The following OR51L1 variants were observed in gnomAD, a reference collection of about 807,000 sequenced individuals.
OR51L1 encodes olfactory receptor 51L1.
A neutral mutation model predicts 1.4 loss-of-function variants in OR51L1; 1 was observed. The ratio of observed to expected loss-of-function variants is 0.72; its 90% CI spans 0.26 to 3.42. The LOEUF (loss-of-function observed/expected upper bound fraction) is 3.42, where lower values mean the gene tolerates loss of function less well. OR51L1 is among the 30% of genes most tolerant of loss of function. The pLI is 0.20. For missense variants in OR51L1, 378 were observed against 380.0 expected, an observed-to-expected ratio of 0.99 and a Z score of 0.04; for synonymous variants, 156 against 144.2, an observed-to-expected ratio of 1.08 and a Z score of -0.59.
Position 5,005,302 on chromosome 11 carries a change from C to T in OR51L1, c.*5372C>T, listed in dbSNP as rs1847166214. 1 of 152,202 alleles carries T rather than the reference C, an allele frequency of 6.6e-6. No homozygotes were observed. Among genetic ancestry groups the T allele is most frequent in the South Asian group, 2.1e-4 (1 of 4,834 alleles). 9.4% of individuals were successfully genotyped at this position (152,202 alleles called of 1,614,324 possible). ...ACATGATTGAGTCTTCCTTTACTCC[C>T]TTTCTCGCTTCAGACATTCACCTTA... On this transcript the variant is annotated 3_prime_UTR_variant, in exon 3 of 3. Coordinates refer to ENST00000641819, the MANE Select transcript of OR51L1 (RefSeq NM_001004755.2).
rs2133665576 is a variant in OR51L1 at position 5,004,696 on chromosome 11, T to C, written c.*4766T>C. 1 of 152,240 alleles carries C rather than the reference T, an allele frequency of 6.6e-6. No homozygotes were observed. Among genetic ancestry groups the C allele is most frequent in the East Asian group, 1.9e-4 (1 of 5,162 alleles). The allele number at this position is 152,240 out of a possible 1,614,324, so 9.4% of individuals were successfully genotyped here. ...AAAATGTCCATTGAGCCCAGTTCCA[T>C]TGTTGCAGAGTAAGCAATGAAGTCT... is the stretch of plus-strand genomic sequence containing the variant. On this transcript the variant is annotated 3_prime_UTR_variant, in exon 3 of 3. Coordinates refer to ENST00000641819, the MANE Select transcript of OR51L1 (RefSeq NM_001004755.2).
chr11:4,999,591 T>G lies in OR51L1; in HGVS notation c.609T>G (p.Cys203Trp). The G allele has an allele frequency of 1.9e-6, 3 of 1,614,024 alleles. No individual in the cohort carries two copies. Among genetic ancestry groups the G allele is most frequent in the Non-Finnish European group, 2.5e-6 (3 of 1,179,964 alleles). The stretch of plus-strand genomic sequence containing the variant: ...GGACCAACAGTATTTATGGGCTTTG[T>G]GTAGTCATTGCCACACTAGGTGTGG... Reference protein sequence around the residue: ...DARTNSIYGLCVVIATLGVDS... With the variant: ...DARTNSIYGLWVVIATLGVDS... Residue 203 changes from cysteine to tryptophan, a missense_variant, in exon 3 of 3, where the codon TGT becomes TGG. By Grantham distance (215) the Cys-to-Trp change is radical. Coordinates refer to ENST00000641819, the MANE Select transcript of OR51L1 (RefSeq NM_001004755.2).
rs1162810472 is a variant in OR51L1, at chr11:5,002,042, G to T, written c.*2112G>T. 1 of 152,150 alleles carries T rather than the reference G, an allele frequency of 6.6e-6. No individual in the cohort carries two copies. The allele number at this position is 152,150 out of a possible 1,614,324, so 9.4% of individuals were successfully genotyped here. On this transcript the variant is annotated 3_prime_UTR_variant, in exon 3 of 3. Coordinates refer to ENST00000641819, the MANE Select transcript of OR51L1 (RefSeq NM_001004755.2). Reference sequence around the variant, plus strand: ...GAGGATTTAAGAATCAGTAATCAGAGTAGTTGACACTTTCACTGTGCATTG... The same window carrying T: ...GAGGATTTAAGAATCAGTAATCAGATTAGTTGACACTTTCACTGTGCATTG...
At position 4,999,309 on chromosome 11, in the gene OR51L1, C is replaced by G; in HGVS notation, c.327C>G (p.Phe109Leu). ...CYAQLFFIHT[F>L]TFLESSVLLA... ...CTCAGCTGTTCTTCATCCACACATT[C>G]ACATTCCTGGAGTCCTCAGTGTTGC... The change falls in exon 3 of 3, where the codon TTC becomes TTG. Residue 109 changes from phenylalanine (F) to leucine (L), a missense_variant. Physicochemically the swap from Phe to Leu is conservative, Grantham distance 22 (BLOSUM62 0). Transcript: ENST00000641819. 3.7e-6 allele frequency: 6 copies of G among 1,614,184 alleles called. No homozygotes were observed. The highest frequency in any genetic ancestry group is 5.1e-6 in the Non-Finnish European group (6 of 1,180,028).
intron 2 of OR51L1, among the ~76,000 whole-genome samples, 169 bp from the exon 3 acceptor site, chr11:4,998,655 A>G (rs1205343654): frequency 6.6e-6 from 1 of 152,092 alleles, no homozygotes; most frequent in African/African-American, 2.4e-5. Context: ...TTTCATCTTT[A>G]TAATAATTAG....
In OR51L1 at chr11:5,001,759, C is replaced by CT. The variant is rs1252638256; in HGVS notation, c.*1831dup. 1.3e-5 allele frequency: 2 copies of CT among 152,084 alleles called. No individual in the cohort carries two copies. Among genetic ancestry groups the CT allele is most frequent in the Admixed American group, 1.3e-4 (2 of 15,278 alleles). The allele number at this position is 152,084 out of a possible 1,614,324, so 9.4% of individuals were successfully genotyped here. A position where few individuals can be genotyped will look rare whatever the true frequency, so the allele number is the denominator to read the frequency against. On this transcript the variant is annotated 3_prime_UTR_variant, in exon 3 of 3. Transcript: ENST00000641819. ...TTGAATATGGGGCCATGTCTATTAC[C>CT]TTATCACAGCACTATACAGCTGGTC...
intron 1 of OR51L1, among the ~76,000 whole-genome samples, chr11:4,996,731 T>TTCTTTCTTTCTC (rs1847075151): frequency 6.9e-6 from 1 of 145,138 alleles, no homozygotes; most frequent in Admixed American, 6.9e-5. Context: ...TTTTCTTTCT[T>TTCTTTCTTTCTC]TCTTTCTTTC....
rs759278051 is a variant in OR51L1, at chr11:5,004,133, G to A, written c.*4203G>A. On this transcript the variant is annotated 3_prime_UTR_variant, in exon 3 of 3. Transcript: ENST00000641819. ...AAAAACAAACTTGGAAAATGGGGAA[G>A]GTACTCCCCAAGCCCGAGGTTGAAA... The A allele has an allele frequency of 1.3e-5, 2 of 152,180 alleles. No homozygotes were observed. The highest frequency in any genetic ancestry group is 1.9e-4 in the East Asian group (1 of 5,188). 9.4% of individuals were successfully genotyped at this position (152,180 alleles called of 1,614,324 possible).
Position 5,004,744 on chromosome 11 carries a change from A to G in OR51L1, c.*4814A>G, listed in dbSNP as rs1430311175. The G allele has an allele frequency of 6.6e-6, 1 of 152,170 alleles. No individual in the cohort carries two copies. Among genetic ancestry groups the G allele is most frequent in the Non-Finnish European group, 1.5e-5 (1 of 68,024 alleles). The allele number at this position is 152,170 out of a possible 1,614,324, so 9.4% of individuals were successfully genotyped here. A position where few individuals can be genotyped will look rare whatever the true frequency, so the allele number is the denominator to read the frequency against. ...TCTATATTTGAAACTGGGACAATAA[A>G]TAAATAACTGACACATTTGCTGATA... is the stretch of plus-strand genomic sequence containing the variant. On this transcript the variant is annotated 3_prime_UTR_variant, in exon 3 of 3. Transcript: ENST00000641819.
rs1241728480 is a variant in OR51L1 at position 4,997,485 on chromosome 11, A to T, written c.-258A>T. The T allele has an allele frequency of 6.6e-6, 1 of 152,212 alleles. No individual in the cohort carries two copies. The highest frequency in any genetic ancestry group is 1.5e-5 in the Non-Finnish European group (1 of 68,042). The allele number at this position is 152,212 out of a possible 1,614,324, so 9.4% of individuals were successfully genotyped here. A position where few individuals can be genotyped will look rare whatever the true frequency, so the allele number is the denominator to read the frequency against. The stretch of plus-strand genomic sequence containing the variant: ...TCTTATCTTAATCTTTCAAAAGGTC[A>T]GAGACTAAGGGTCCAGAAGGAGGGT... On this transcript the variant is annotated 5_prime_UTR_variant, in exon 2 of 3. Coordinates refer to ENST00000641819, the MANE Select transcript of OR51L1 (RefSeq NM_001004755.2).
chr11:4,999,528 G>T lies in OR51L1; in HGVS notation c.546G>T (p.Leu182Phe). Residue 182 changes from leucine to phenylalanine, a missense_variant, in exon 3 of 3, where the codon TTG becomes TTT. Physicochemically the swap from Leu to Phe is conservative, Grantham distance 22. Transcript: ENST00000641819. ...ATGCCCTCTCTCACGCCTTCTGTTT[G>T]CACCAGGATGTTCTAAGATTATCCT... The part of the protein sequence containing the change: ...HGNALSHAFC[L>F]HQDVLRLSCT... 1 of 1,614,002 alleles carries T rather than the reference G, an allele frequency of 6.2e-7. No individual in the cohort carries two copies. The highest frequency in any genetic ancestry group is 1.1e-5 in the South Asian group (1 of 91,082).
At position 5,005,283 on chromosome 11, in the gene OR51L1, T is replaced by C. The variant is rs910110238; in HGVS notation, c.*5353T>C. 1 of 152,242 alleles carries C rather than the reference T, an allele frequency of 6.6e-6. No homozygotes were observed. Among genetic ancestry groups the C allele is most frequent in the Non-Finnish European group, 1.5e-5 (1 of 68,038 alleles). The allele number at this position is 152,242 out of a possible 1,614,324, so 9.4% of individuals were successfully genotyped here. ...CACCTACCCAGAGACGACTACATGA[T>C]TGAGTCTTCCTTTACTCCCTTTCTC... On this transcript the variant is annotated 3_prime_UTR_variant, in exon 3 of 3. Transcript: ENST00000641819.
intron 1 of OR51L1, 61 bp downstream of exon 1, chr11:4,995,396 T>A (rs1387240949): frequency 6.6e-6 from 1 of 152,094 alleles, no homozygotes; most frequent in Non-Finnish European, 1.5e-5. Context: ...TGTATGTGGA[T>A]ATAGTTTGCT....
At chr11:4,996,304 C>T (rs949459988) in intron 1 of OR51L1, among the ~76,000 whole-genome samples, 8 of 149,576 alleles carry the variant, frequency 5.3e-5, no homozygotes, top group Non-Finnish European at 1.2e-4. Context: ...ATGTATATGT[C>T]TATGTATATG....
At position 5,000,682 on chromosome 11, in the gene OR51L1, G is replaced by C. The variant is rs1847121839; in HGVS notation, c.*752G>C. On this transcript the variant is annotated 3_prime_UTR_variant, in exon 3 of 3. Coordinates refer to ENST00000641819, the MANE Select transcript of OR51L1 (RefSeq NM_001004755.2). The stretch of plus-strand genomic sequence containing the variant: ...AGAGCTTAGTGATGAGAAAGGGCCA[G>C]ATTTGTACTGAAAGGAGACACTTCA... The C allele has an allele frequency of 6.6e-6, 1 of 152,212 alleles. No individual in the cohort carries two copies. Among genetic ancestry groups the C allele is most frequent in the Non-Finnish European group, 1.5e-5 (1 of 68,044 alleles). 9.4% of individuals were successfully genotyped at this position (152,212 alleles called of 1,614,324 possible). A position where few individuals can be genotyped will look rare whatever the true frequency, so the allele number is the denominator to read the frequency against.
intron 1 of OR51L1, among the ~76,000 whole-genome samples, chr11:4,996,193 A>C (rs1664205256): frequency 6.6e-6 from 1 of 151,964 alleles, no homozygotes; most frequent in Admixed American, 6.6e-5. Flanking sequence ...TGTATACCGA[A>C]AATTTGCCAA....
rs1435522555 is a variant in OR51L1 at position 5,001,304 on chromosome 11, C to T, written c.*1374C>T. ...AGTGGAAAGAAAGGAATGTAAAGGT[C>T]GTAATTGCATTACTAAAGAGCAAAA... On this transcript the variant is annotated 3_prime_UTR_variant, in exon 3 of 3. Transcript: ENST00000641819. 2.0e-5 allele frequency: 3 copies of T among 151,742 alleles called. No homozygotes were observed. Among genetic ancestry groups the T allele is most frequent in the South Asian group, 2.1e-4 (1 of 4,804 alleles). 9.4% of individuals were successfully genotyped at this position (151,742 alleles called of 1,614,324 possible).
Position 4,999,565 on chromosome 11 carries a change from A to G in OR51L1, c.583A>G (p.Arg195Gly). 1 of 1,614,034 alleles carries G rather than the reference A, an allele frequency of 6.2e-7. No homozygotes were observed. Among genetic ancestry groups the G allele is most frequent in the Non-Finnish European group, 8.5e-7 (1 of 1,179,980 alleles). The part of the protein sequence containing the change: ...DVLRLSCTDA[R>G]TNSIYGLCVV... ...TCTAAGATTATCCTGTACAGATGCC[A>G]GGACCAACAGTATTTATGGGCTTTG... Residue 195 changes from arginine to glycine, a missense_variant, in exon 3 of 3, where the codon AGG becomes GGG. Transcript: ENST00000641819.
Position 5,002,355 on chromosome 11 carries a change from G to A in OR51L1, c.*2425G>A, listed in dbSNP as rs1301710489. On this transcript the variant is annotated 3_prime_UTR_variant, in exon 3 of 3. Transcript: ENST00000641819. Reference sequence around the variant, plus strand: ...GGAGGTAACATGAAGAAAGCAAAGAGGTTAGAAAGAGTATGTGTTAGCAAC... The same window carrying A: ...GGAGGTAACATGAAGAAAGCAAAGAAGTTAGAAAGAGTATGTGTTAGCAAC... 1 of 152,126 alleles carries A rather than the reference G, an allele frequency of 6.6e-6. No individual in the cohort carries two copies. The highest frequency in any genetic ancestry group is 1.5e-5 in the Non-Finnish European group (1 of 68,022). 9.4% of individuals were successfully genotyped at this position (152,126 alleles called of 1,614,324 possible).
Sources: gnomAD v4.1 joint callset for allele counts (sites outside exome capture counted in the v4.1 genomes callset) on GRCh38, gnomAD v4.1.1 for gene constraint, MANE v1.5 for transcripts, NCBI Gene and HGNC (gene_info 2026-07-23, HGNC 2026-07-21) for gene names.